The following EVI5 variants were observed in gnomAD, a reference collection of about 807,000 sequenced individuals.
The protein encoded by EVI5 is ecotropic viral integration site 5.
A neutral mutation model predicts 112.0 loss-of-function variants in EVI5; 73 were observed. The observed-to-expected ratio is 0.65, with a 90% CI of 0.54 to 0.79. The LOEUF (loss-of-function observed/expected upper bound fraction) is 0.79, where lower values mean the gene tolerates loss of function less well. Among genes scored for constraint, EVI5 ranks in the 30% least tolerant of loss-of-function variants. The pLI, the probability that EVI5 is intolerant of heterozygous loss-of-function variation, is 0.00. For missense variants in EVI5, 900 were observed against 968.8 expected, an observed-to-expected ratio of 0.93 and a Z score of 0.94; for synonymous variants, 305 against 319.9, an observed-to-expected ratio of 0.95 and a Z score of 0.50.
At chr1:92,577,907 TTTG>T (rs1031081800) in intron 18 of EVI5, among the ~76,000 whole-genome samples, 6 of 152,214 alleles carry the variant, frequency 3.9e-5, no homozygotes, top group Admixed American at 2.6e-4. Context: ...GCTTTCTGGC[TTTG>T]TTGTTGTTTT....
rs756634676 is a variant in EVI5 at position 92,703,607 on chromosome 1, T to C, written c.352A>G (p.Lys118Glu). ...KEKQVKELVH[K>E]GIPHHFRAIV... is the part of the protein sequence containing the mutation. ...GCTCTAAAGTGATGGGGTATCCCTT[T>C]ATGAACAAGTTCCTAAAAATAAAAT... The change falls in exon 4 of 20, where the codon AAA becomes GAA. Residue 118 changes from lysine (K) to glutamate (E), a missense_variant. Lys to Glu is a moderately conservative substitution (Grantham distance 56). Transcript: ENST00000684568. The C allele has an allele frequency of 1.9e-6, 3 of 1,566,878 alleles. No individual in the cohort carries two copies. The highest frequency in any genetic ancestry group is 2.4e-5 in the South Asian group (2 of 83,158).
At chr1:92,565,696 C>T (rs1422427863) in intron 18 of EVI5, among the ~76,000 whole-genome samples, 6 of 151,842 alleles carry the variant, frequency 4.0e-5, no homozygotes, top group Admixed American at 1.3e-4. Flanking sequence ...AGGCCAGGCG[C>T]GGTGGCTCAT....
At chr1:92,622,787 C>T (rs1362974463) in intron 16 of EVI5, among the ~76,000 whole-genome samples, 1 of 152,204 alleles carries the variant, frequency 6.6e-6, no homozygotes, top group Non-Finnish European at 1.5e-5. Flanking sequence ...TATTAGTCAG[C>T]AATGGTATTA....
At chr1:92,603,449 T>C (rs1649623217) in intron 18 of EVI5, among the ~76,000 whole-genome samples, 1 of 152,134 alleles carries the variant, frequency 6.6e-6, no homozygotes, top group Non-Finnish European at 1.5e-5. Flanking sequence ...ACCCTAAATG[T>C]CCATCAATGA....
intron 19 of EVI5, among the ~76,000 whole-genome samples, chr1:92,517,302 A>G (rs1467728875): frequency 1.3e-5 from 2 of 152,214 alleles, no homozygotes; most frequent in African/African-American, 4.8e-5. Flanking sequence ...GACTCAAAGT[A>G]TATGGGAGGA....
chr1:92,562,886 T>C (rs1212436781), intron 19 of EVI5, among the ~76,000 whole-genome samples: 1 of 152,160 alleles, frequency 6.6e-6, no homozygotes, highest in Non-Finnish European at 1.5e-5. Flanking sequence ...CAAATAAAGG[T>C]TATACTACCC....
At chr1:92,590,311 T>C (rs150640481) in intron 18 of EVI5, among the ~76,000 whole-genome samples, 3,956 of 152,150 alleles carry the variant, frequency 0.026, 131 homozygotes, top group African/African-American at 0.074. Context: ...ACGATCGAAC[T>C]ACTCCGAGCT....
intron 1 of EVI5, among the ~76,000 whole-genome samples, chr1:92,783,350 A>AC (rs1685107142): frequency 8.0e-6 from 1 of 125,294 alleles, no homozygotes; most frequent in South Asian, 2.9e-4. Flanking sequence ...ACACGGTGAA[A>AC]CCCCGTTTCT....
chr1:92,740,757 C>T (rs2102849709), intron 1 of EVI5, among the ~76,000 whole-genome samples: 1 of 152,292 alleles, frequency 6.6e-6, no homozygotes, highest in East Asian at 1.9e-4. Flanking sequence ...AAGATAGTAC[C>T]TTACCCTGTC....
intron 18 of EVI5, among the ~76,000 whole-genome samples, chr1:92,592,099 C>T (rs546838175): frequency 8.5e-5 from 13 of 152,230 alleles, no homozygotes; most frequent in Admixed American, 4.6e-4. Context: ...AAAAATTAGC[C>T]GGGCGTGGTA....
At position 92,697,943 on chromosome 1, in the gene EVI5, G is replaced by T; in HGVS notation, c.682C>A (p.Gln228Lys). 1 of 1,611,892 alleles carries T rather than the reference G, an allele frequency of 6.2e-7. No individual in the cohort carries two copies. The highest frequency in any genetic ancestry group is 1.3e-5 in the African/African-American group (1 of 74,894). The change falls in exon 6 of 20, where the codon CAA becomes AAA. Residue 228 changes from glutamine to lysine, a missense_variant. Physicochemically the swap from Gln to Lys is moderately conservative, Grantham distance 53. Transcript: ENST00000684568. ...AAAAGTTCACGAAGTCTATAATCTTGCATTAATTTAACAAATACACAGAAA... is the reference window on the plus strand; with the variant it reads ...AAAAGTTCACGAAGTCTATAATCTTTCATTAATTTAACAAATACACAGAAA... Reference protein sequence around the residue: ...EAFCVFVKLMQDYRLRELFKP... With the variant: ...EAFCVFVKLMKDYRLRELFKP...
intron 3 of EVI5, chr1:92,704,022 T>C (rs1262961679): frequency 6.3e-6 from 1 of 158,688 alleles, no homozygotes; most frequent in African/African-American, 2.4e-5. Context: ...GAGAATTTAA[T>C]TTCTAAAACA....
chr1:92,739,109 C>G (rs1439714503), intron 1 of EVI5, among the ~76,000 whole-genome samples: 2 of 151,720 alleles, frequency 1.3e-5, no homozygotes, highest in East Asian at 3.9e-4. Flanking sequence ...CCCGTGTCTA[C>G]TAAAAATACA....
At chr1:92,526,626 T>C (rs1288499569) in intron 19 of EVI5, among the ~76,000 whole-genome samples, 2 of 152,196 alleles carry the variant, frequency 1.3e-5, no homozygotes, top group Admixed American at 6.5e-5. Flanking sequence ...TGTATGATTA[T>C]GACTACATGA....
intron 19 of EVI5, among the ~76,000 whole-genome samples, chr1:92,550,313 C>T (rs562322624): frequency 8.3e-6 from 1 of 120,522 alleles, no homozygotes; most frequent in East Asian, 2.4e-4. Flanking sequence ...CAGCTGGACA[C>T]GGGAAGGGGA....
intron 19 of EVI5, among the ~76,000 whole-genome samples, chr1:92,556,868 G>A (rs1288782178): frequency 6.6e-6 from 1 of 151,276 alleles, no homozygotes; most frequent in African/African-American, 2.4e-5. Context: ...GGAGTGCAGT[G>A]GCATGATCTT....
At chr1:92,551,301 T>TA (rs1216545395) in intron 19 of EVI5, among the ~76,000 whole-genome samples, 4 of 152,182 alleles carry the variant, frequency 2.6e-5, no homozygotes. Flanking sequence ...GTGCTGGGAT[T>TA]ACAGGCGTGA....
At chr1:92,783,474 ACT>A (rs1328661663) in intron 1 of EVI5, among the ~76,000 whole-genome samples, 1 of 120,778 alleles carries the variant, frequency 8.3e-6, no homozygotes, top group African/African-American at 3.2e-5. Flanking sequence ...ACAGAGTGAG[ACT>A]CAGCCTTAAA....
At chr1:92,668,430 CTCAA>C (rs1220621082) in intron 10 of EVI5, among the ~76,000 whole-genome samples, 1 of 152,112 alleles carries the variant, frequency 6.6e-6, no homozygotes, top group Non-Finnish European at 1.5e-5. Context: ...TCAAAATGTT[CTCAA>C]TCATATTTCA....
Sources: gnomAD v4.1 joint callset for allele counts (sites outside exome capture counted in the v4.1 genomes callset) on GRCh38, gnomAD v4.1.1 for gene constraint, MANE v1.5 for transcripts, NCBI Gene and HGNC (gene_info 2026-07-23, HGNC 2026-07-21) for gene names.